The following GSE1 variants were observed in gnomAD, a reference collection of about 807,000 sequenced individuals.
The protein encoded by GSE1 is Gse1 coiled-coil protein, also known as genetic suppressor element 1.
In GSE1, 32 loss-of-function variants were observed where a neutral mutation model predicts 112.6. The ratio of observed to expected loss-of-function variants is 0.28; its 90% CI spans 0.21 to 0.38. GSE1 has a LOEUF of 0.38. GSE1 is among the 10% of genes least tolerant of loss of function. The probability of loss-of-function intolerance (pLI) is 1.00; values close to 1 mark genes in which losing one functional copy is unlikely to be tolerated. For synonymous variants in GSE1, 1,115 were observed against 735.6 expected (o/e 1.52, Z -8.35); for missense variants, 2,348 against 1,699.2 (o/e 1.38, Z -6.71).
chr16:85,266,107 G>C (rs776149303), intron 1 of GSE1, among the ~76,000 whole-genome samples: 1 of 152,154 alleles, frequency 6.6e-6, no homozygotes, highest in African/African-American at 2.4e-5. Context: ...CAAGGAGCCC[G>C]AGGCTCCCCA....
chr16:85,225,588 G>A (rs2143790867), intron 1 of GSE1, among the ~76,000 whole-genome samples: 2 of 152,316 alleles, frequency 1.3e-5, no homozygotes, highest in East Asian at 3.9e-4. Flanking sequence ...TGCTGCAGGG[G>A]CTGGTGCGGT....
chr16:85,372,017 G>GGT (rs2047311968), intron 2 of GSE1, among the ~76,000 whole-genome samples: 1 of 152,188 alleles, frequency 6.6e-6, no homozygotes, highest in Non-Finnish European at 1.5e-5. Flanking sequence ...GGAGGGCACA[G>GGT]GTGTGTGTGG....
At chr16:85,341,834 T>C (rs2046630045) in intron 1 of GSE1, among the ~76,000 whole-genome samples, 1 of 152,020 alleles carries the variant, frequency 6.6e-6, no homozygotes. Context: ...GAGTTTCAGA[T>C]GGGCATCAGG....
At chr16:85,254,140 C>T (rs926112772) in intron 1 of GSE1, among the ~76,000 whole-genome samples, 5 of 152,210 alleles carry the variant, frequency 3.3e-5, no homozygotes, top group African/African-American at 9.6e-5. Flanking sequence ...TCTCACCTCT[C>T]GGGATCGCCC....
chr16:85,178,533 G>A (rs2074515249), intron 1 of GSE1, among the ~76,000 whole-genome samples: 1 of 152,084 alleles, frequency 6.6e-6, no homozygotes, highest in Admixed American at 6.5e-5. Flanking sequence ...CCCGGGCCAT[G>A]GTATTTTAAA....
At chr16:85,451,773 G>C (rs201648948) in intron 2 of GSE1, among the ~76,000 whole-genome samples, 14 of 142,928 alleles carry the variant, frequency 9.8e-5, no homozygotes, top group African/African-American at 2.3e-4. Context: ...TGGTTGGTGC[G>C]TGCGCTGGTG....
At chr16:85,399,378 GC>G (rs1462525395) in intron 2 of GSE1, among the ~76,000 whole-genome samples, 1 of 152,154 alleles carries the variant, frequency 6.6e-6, no homozygotes, top group Non-Finnish European at 1.5e-5. Context: ...GGGCTCCACG[GC>G]CTTCAGAGTG....
intron 1 of GSE1, among the ~76,000 whole-genome samples, chr16:85,223,998 T>A (rs1359607386): frequency 1.3e-5 from 2 of 152,012 alleles, no homozygotes; most frequent in Non-Finnish European, 2.9e-5. Context: ...TCCAGAACTT[T>A]TATCATCACC....
At chr16:85,235,723 G>T (rs1392846570) in intron 1 of GSE1, among the ~76,000 whole-genome samples, 1 of 151,718 alleles carries the variant, frequency 6.6e-6, no homozygotes, top group Non-Finnish European at 1.5e-5. Context: ...CTTCCCCTCT[G>T]CGGCGGGACT....
At chr16:85,231,168 A>G (rs1206883299) in intron 1 of GSE1, among the ~76,000 whole-genome samples, 1 of 139,896 alleles carries the variant, frequency 7.1e-6, no homozygotes, top group Admixed American at 7.1e-5. Flanking sequence ...ATAGAAGGAC[A>G]GATGGATGGA....
At chr16:85,640,227 A>T (rs1300693413) in intron 2 of GSE1, among the ~76,000 whole-genome samples, 3 of 151,450 alleles carry the variant, frequency 2.0e-5, no homozygotes, top group Admixed American at 6.6e-5. Context: ...GCCGGGACTC[A>T]TGGCTTCCCT....
At chr16:85,551,048 G>A (rs1455077584), upstream of GSE1, among the ~76,000 whole-genome samples, 2 of 152,184 alleles carry the variant, frequency 1.3e-5, no homozygotes, top group African/African-American at 4.8e-5. Context: ...GGGAGGTGCG[G>A]GGTGAGTTTG....
In GSE1 at chr16:85,419,848, G is replaced by A. The variant is rs2048790818; in HGVS notation, c.2464+62205G>A. On this transcript the variant is annotated intron_variant, in intron 2 of 2. Transcript: ENST00000637419. This position sits in a 1 kb window ranked among gnomAD's most constrained non-coding sequence, Gnocchi z 6.5. The stretch of plus-strand genomic sequence containing the variant: ...CCAGGAACTCCACAGGTGAAGTGGA[G>A]TGGGCAGCCAGGGCTGACCACCACT... 6.6e-6 allele frequency among the ~76,000 whole-genome samples: 1 copy of A among 151,964 alleles called. No homozygotes were observed. The highest frequency in any genetic ancestry group is 2.4e-5 in the African/African-American group (1 of 41,358).
intron 2 of GSE1, among the ~76,000 whole-genome samples, chr16:85,636,060 A>G (rs2049970227): frequency 6.6e-6 from 1 of 152,226 alleles, no homozygotes; most frequent in South Asian, 2.1e-4. Flanking sequence ...CTGGCCAGGA[A>G]CAAAGTGCCG....
chr16:85,567,789 C>T (rs1476108382), intron 1 of GSE1, among the ~76,000 whole-genome samples: 1 of 152,214 alleles, frequency 6.6e-6, no homozygotes, highest in African/African-American at 2.4e-5. Flanking sequence ...GTGGTGCGAT[C>T]TCAGCTCACT....
chr16:85,301,533 G>T (rs1313638087), intron 1 of GSE1, among the ~76,000 whole-genome samples: 1 of 152,238 alleles, frequency 6.6e-6, no homozygotes, highest in Non-Finnish European at 1.5e-5. Flanking sequence ...GCCCTGCATG[G>T]GCACCGGAAA....
At chr16:85,201,896 AT>A (rs1252443332) in intron 1 of GSE1, among the ~76,000 whole-genome samples, 10 of 152,230 alleles carry the variant, frequency 6.6e-5, no homozygotes, top group Non-Finnish European at 4.4e-5. Context: ...GGATTTCAGA[AT>A]TGCGGACAAG....
chr16:85,207,255 C>T (rs1039841457), intron 1 of GSE1, among the ~76,000 whole-genome samples: 2 of 152,248 alleles, frequency 1.3e-5, no homozygotes, highest in Non-Finnish European at 2.9e-5. Flanking sequence ...GCCAGAAGCC[C>T]TGGCCTGGCC....
At chr16:85,571,465 A>C (rs368791313) in intron 1 of GSE1, among the ~76,000 whole-genome samples, 1 of 152,226 alleles carries the variant, frequency 6.6e-6, no homozygotes, top group Non-Finnish European at 1.5e-5. Context: ...GAGCATTTCC[A>C]TTGTTCCAGA....
Sources: gnomAD v4.1 joint callset for allele counts (sites outside exome capture counted in the v4.1 genomes callset) on GRCh38, gnomAD v4.1.1 for gene constraint, Gnocchi (gnomAD v3.1) non-coding constraint, MANE v1.5 for transcripts, NCBI Gene and HGNC (gene_info 2026-07-23, HGNC 2026-07-21) for gene names.